ASPM: variants seen among roughly 807,000 people sequenced by gnomAD.
ASPM encodes abnormal spindle-like microcephaly-associated protein.
ASPM carries 256 observed loss-of-function variants against 366.4 expected under a neutral mutation model. The observed-to-expected ratio is 0.70, with a 90% CI of 0.63 to 0.77. The LOEUF is 0.77. Ranked by LOEUF, ASPM falls within the 30% of genes least tolerant of loss-of-function variation. ASPM has a pLI of 0.00. For missense variants in ASPM, 4,146 were observed against 4,090.4 expected, an observed-to-expected ratio of 1.01 and a Z score of -0.37; for synonymous variants, 1,414 against 1,342.9, an observed-to-expected ratio of 1.05 and a Z score of -1.16.
rs1485537545 is a variant in ASPM, at chr1:197,100,959, T to C, written c.8292A>G (p.Glu2764=). Residue 2764 remains glutamate, a synonymous_variant, in exon 18 of 28, where the codon GAA becomes GAG. Coordinates refer to ENST00000367409, the MANE Select transcript of ASPM (RefSeq NM_018136.5). ...ATTGGTTAACAATGGCTGCCATCTT[T>C]TCCTCTGATACATTTTTCAATTTTT... The part of the protein sequence containing the change: ...VRQKLKNVSE[E]KMAAIVNQSA... 4.3e-6 allele frequency: 7 copies of C among 1,612,536 alleles called. No homozygotes were observed. In the South Asian group the frequency reaches 7.7e-5, roughly 18 times the overall value.
At chr1:197,119,896 G>T (rs1194521190) in intron 16 of ASPM, among the ~76,000 whole-genome samples, 3 of 152,020 alleles carry the variant, frequency 2.0e-5, no homozygotes, top group Admixed American at 6.6e-5. Context: ...TAACATAAAA[G>T]CAAAATATAA....
Position 197,086,872 on chromosome 1 carries a change from T to A in ASPM, c.10262A>T (p.Gln3421Leu). The change falls in exon 27 of 28, where the codon CAA (glutamine) becomes CTA (leucine). Residue 3421 changes from glutamine to leucine, a missense_variant. Gln to Leu is a moderately radical substitution (Grantham distance 113, BLOSUM62 -2). Coordinates refer to ENST00000367409, the MANE Select transcript of ASPM (RefSeq NM_018136.5). ...AATGCTTATAGAAGAATTCTTCTTTTGCTTGTAAAGTATTCTTTCAGTATT... is the reference window on the plus strand; with the variant it reads ...AATGCTTATAGAAGAATTCTTCTTTAGCTTGTAAAGTATTCTTTCAGTATT... ...KMNTERILYKQKKNSSISIPF... is the reference protein window; with the variant it reads ...KMNTERILYKLKKNSSISIPF... 6.2e-7 allele frequency: 1 copy of A among 1,611,800 alleles called. No individual in the cohort carries two copies. Among genetic ancestry groups the A allele is most frequent in the East Asian group, 2.2e-5 (1 of 44,728 alleles).
Position 197,143,156 on chromosome 1 carries a change from A to C in ASPM, c.1096T>G (p.Leu366Val). 6.2e-7 allele frequency: 1 copy of C among 1,613,548 alleles called. No homozygotes were observed. Among genetic ancestry groups the C allele is most frequent in the Non-Finnish European group, 8.5e-7 (1 of 1,179,608 alleles). Residue 366 changes from leucine to valine, a missense_variant, in exon 3 of 28, where the codon TTA (leucine) becomes GTA (valine). Transcript: ENST00000367409. ...TCTTTTATGAAAGAATCTGGACTTA[A>C]AATTTTCTGATAAATTTCATGTGCA... ...TIAHEIYQKI[L>V]SPDSFIKDNY...
intron 17 of ASPM, 37 bp downstream of exon 17, chr1:197,117,752 A>G (rs775298466): frequency 1.3e-6 from 2 of 1,558,900 alleles, no homozygotes; most frequent in Admixed American, 3.8e-5. Context: ...AGTCATTAAA[A>G]TTTTTTAAAT....
At position 197,104,717 on chromosome 1, in the gene ASPM, C is replaced by A; in HGVS notation, c.4534G>T (p.Glu1512Ter). Residue 1512 changes from glutamate (E) to a stop codon, truncating the protein, a stop_gained, in exon 18 of 28, where the codon GAG becomes TAG. Coordinates refer to ENST00000367409, the MANE Select transcript of ASPM (RefSeq NM_018136.5). LOFTEE classifies it high-confidence loss of function. ...QAQKLYKRRKESILTIQKYYK... is the reference protein window; with the variant it reads ...QAQKLYKRRK ...TACTTCTGGATGGTTAGTATGGACT[C>A]TTTTCTTCTTTTATATAACTTTTGG... The A allele has an allele frequency of 6.2e-7, 1 of 1,610,122 alleles. No homozygotes were observed. The highest frequency in any genetic ancestry group is 8.5e-7 in the Non-Finnish European group (1 of 1,178,560).
intron 16 of ASPM, among the ~76,000 whole-genome samples, chr1:197,121,346 T>C (rs1657901177): frequency 6.6e-6 from 1 of 152,090 alleles, no homozygotes; most frequent in African/African-American, 2.4e-5. Flanking sequence ...ATAAATAACA[T>C]CTCTATTCTC....
chr1:197,133,626 G>T, intron 5 of ASPM, 31 bp from the exon 6 acceptor site: 1 of 1,602,856 alleles, frequency 6.2e-7, no homozygotes, highest in Non-Finnish European at 8.5e-7. Context: ...GAATGTTTCT[G>T]GTTAAACAAT....
intron 17 of ASPM, among the ~76,000 whole-genome samples, chr1:197,114,027 G>C (rs370701411): frequency 2.8e-5 from 1 of 35,808 alleles, no homozygotes; most frequent in African/African-American, 4.2e-5. Flanking sequence ...AAAACTCTTG[G>C]ATAGTTGAAA....
At position 197,104,103 on chromosome 1, in the gene ASPM, T is replaced by C. The variant is rs1557947641; in HGVS notation, c.5148A>G (p.Lys1716=). Residue 1716 remains lysine, a synonymous_variant, in exon 18 of 28, where the codon AAA becomes AAG. Coordinates refer to ENST00000367409, the MANE Select transcript of ASPM (RefSeq NM_018136.5). ...ACTCTTCTCTCTTTTGTGCAGCTAT[T>C]TTTTTGGAACGGTAACATTGCTGGA... ...LFIQQCYRSK[K]IAAQKREEYM... The C allele has an allele frequency of 6.2e-7, 1 of 1,613,044 alleles. No homozygotes were observed. The highest frequency in any genetic ancestry group is 8.5e-7 in the Non-Finnish European group (1 of 1,179,446).
chr1:197,105,064 G>A lies in ASPM; in HGVS notation c.4187C>T (p.Ala1396Val). 6.2e-7 allele frequency: 1 copy of A among 1,609,836 alleles called. No homozygotes were observed. The highest frequency in any genetic ancestry group is 8.5e-7 in the Non-Finnish European group (1 of 1,177,386). The change falls in exon 18 of 28, where the codon GCT becomes GTT. Residue 1396 changes from alanine to valine, a missense_variant. Coordinates refer to ENST00000367409, the MANE Select transcript of ASPM (RefSeq NM_018136.5). Reference sequence around the variant, plus strand: ...CCAATGCCTCTGAATTGTAACTGTAGCCCAAAGATATCGTTTATAAGATGT... The same window carrying A: ...CCAATGCCTCTGAATTGTAACTGTAACCCAAAGATATCGTTTATAAGATGT... ...AVTSYKRYLW[A>V]TVTIQRHWRA...
chr1:197,090,348 C>T lies in ASPM; in HGVS notation c.9677G>A (p.Cys3226Tyr). 6.2e-7 allele frequency: 1 copy of T among 1,611,988 alleles called. No homozygotes were observed. The highest frequency in any genetic ancestry group is 8.5e-7 in the Non-Finnish European group (1 of 1,178,832). Residue 3226 changes from cysteine to tyrosine, a missense_variant, in exon 24 of 28, where the codon TGT becomes TAT. By Grantham distance (194) the Cys-to-Tyr change is radical (BLOSUM62 -2). This residue lies in a region of ASPM where 3,624 missense variants were observed against 3,591.7 expected (regional missense o/e 1.01). Coordinates refer to ENST00000367409, the MANE Select transcript of ASPM (RefSeq NM_018136.5). Reference sequence around the variant, plus strand: ...TAGTCGTATAGCTTTAATTTTTGTACAATCATTTTTCTTCCTCCAAGAATA... The same window carrying T: ...TAGTCGTATAGCTTTAATTTTTGTATAATCATTTTTCTTCCTCCAAGAATA... Reference protein sequence around the residue: ...RGYSWRKKNDCTKIKAIRLSL... With the variant: ...RGYSWRKKNDYTKIKAIRLSL...
At position 197,100,499 on chromosome 1, in the gene ASPM, C is replaced by A. The variant is rs1022531032; in HGVS notation, c.8752G>T (p.Ala2918Ser). 1 of 1,608,666 alleles carries A rather than the reference C, an allele frequency of 6.2e-7. No homozygotes were observed. Among genetic ancestry groups the A allele is most frequent in the South Asian group, 1.1e-5 (1 of 90,462 alleles). ...TTCTGTATAAATCCTTTACTTCTAG[C>A]TTGAATAATGATAACACTGCTTCTG... ...QIRSSVIIIQ[A>S]RSKGFIQKRK... is the part of the protein sequence containing the mutation. Residue 2918 changes from alanine to serine, a missense_variant, in exon 18 of 28, where the codon GCT (alanine) becomes TCT (serine). Around this residue, in one of 3 missense-constraint regions of ASPM, gnomAD observed 3,624 missense variants for 3,591.7 expected, o/e 1.01. Transcript: ENST00000367409.
rs140804412 is a variant in ASPM, at chr1:197,142,563, T to C, written c.1689A>G (p.Thr563=). 2.0e-4 allele frequency: 329 copies of C among 1,613,834 alleles called. No homozygotes were observed. Among genetic ancestry groups the C allele is most frequent in the Non-Finnish European group, 2.7e-4 (318 of 1,179,846 alleles). The change falls in exon 3 of 28, where the codon ACA becomes ACG. Residue 563 remains threonine, a synonymous_variant. Coordinates refer to ENST00000367409, the MANE Select transcript of ASPM (RefSeq NM_018136.5). ...SKSKSYKNEV[T]PSSTTASVAR... ...CAACTGAAGCTGTTGTCGAAGAGGG[T>C]GTTACCTCGTTTTTATAACTCTTAG...
At position 197,090,048 on chromosome 1, in the gene ASPM, T is replaced by C. The variant is rs1051596842; in HGVS notation, c.9866A>G (p.Asn3289Ser). 5 of 1,613,432 alleles carry C rather than the reference T, an allele frequency of 3.1e-6. No homozygotes were observed. The highest frequency in any genetic ancestry group is 3.3e-4 in the Middle Eastern group (2 of 6,078). Reference sequence around the variant, plus strand: ...AGAAATTGCTCCACTCTGGGCCATGTTCTCACAACAAAGTGGAGACAATCT... The same window carrying C: ...AGAAATTGCTCCACTCTGGGCCATGCTCTCACAACAAAGTGGAGACAATCT... ...VTRLSPLCCENMAQSGAISKI... is the reference protein window; with the variant it reads ...VTRLSPLCCESMAQSGAISKI... The change falls in exon 25 of 28, where the codon AAC (asparagine) becomes AGC (serine). Residue 3289 changes from asparagine to serine, a missense_variant. Physicochemically the swap from Asn to Ser is conservative, Grantham distance 46 (BLOSUM62 1). This residue lies in a region of ASPM where 3,624 missense variants were observed against 3,591.7 expected (regional missense o/e 1.01). Coordinates refer to ENST00000367409, the MANE Select transcript of ASPM (RefSeq NM_018136.5).
chr1:197,093,396 T>G, intron 20 of ASPM, 135 bp from the exon 21 acceptor site: 1 of 805,018 alleles, frequency 1.2e-6, no homozygotes, highest in East Asian at 2.5e-5. Context: ...TTCATAGATA[T>G]GAAATGATGA....
intron 17 of ASPM, among the ~76,000 whole-genome samples, chr1:197,115,243 C>G (rs1238467127): frequency 6.6e-6 from 1 of 152,182 alleles, no homozygotes; most frequent in East Asian, 1.9e-4. Context: ...ACCTCCTCAT[C>G]TGTTCAGCTT....
chr1:197,104,244 A>G lies in ASPM; in HGVS notation c.5007T>C (p.Tyr1669=). 1 of 1,612,854 alleles carries G rather than the reference A, an allele frequency of 6.2e-7. No homozygotes were observed. Among genetic ancestry groups the G allele is most frequent in the Non-Finnish European group, 8.5e-7 (1 of 1,179,380 alleles). Residue 1669 remains tyrosine, a synonymous_variant, in exon 18 of 28, where the codon TAT becomes TAC. Coordinates refer to ENST00000367409, the MANE Select transcript of ASPM (RefSeq NM_018136.5). ...VIKIQSYYRA[Y]VSKKEFLSLK... ...GGCTCAAAAATTCCTTTTTAGAAACATAAGCACGATAATATGATTGAATCT... is the reference window on the plus strand; with the variant it reads ...GGCTCAAAAATTCCTTTTTAGAAACGTAAGCACGATAATATGATTGAATCT...
At chr1:197,105,232 T>A in intron 17 of ASPM, 47 bp from the exon 18 acceptor site, 1 of 1,408,532 alleles carries the variant, frequency 7.1e-7, no homozygotes. Context: ...CATAGCTTTC[T>A]ATATTTAACA....
At position 197,090,007 on chromosome 1, in the gene ASPM, T is replaced by A. The variant is rs1299718121; in HGVS notation, c.9907A>T (p.Ile3303Phe). ...SGAISKIFVLIRSCNRSIPCM... is the reference protein window; with the variant it reads ...SGAISKIFVLFRSCNRSIPCM... ...GGAATACTGCGATTACAACTTCGGATCAAAACAAATATTTTAGAAATTGCT... is the reference window on the plus strand; with the variant it reads ...GGAATACTGCGATTACAACTTCGGAACAAAACAAATATTTTAGAAATTGCT... Residue 3303 changes from isoleucine (I) to phenylalanine (F), a missense_variant, in exon 25 of 28, where the codon ATC becomes TTC. Ile to Phe is a conservative substitution (Grantham distance 21, BLOSUM62 0). Coordinates refer to ENST00000367409, the MANE Select transcript of ASPM (RefSeq NM_018136.5). The A allele has an allele frequency of 6.2e-7, 1 of 1,613,154 alleles. No individual in the cohort carries two copies. Among genetic ancestry groups the A allele is most frequent in the Non-Finnish European group, 8.5e-7 (1 of 1,179,534 alleles).
Sources: gnomAD v4.1 joint callset for allele counts (sites outside exome capture counted in the v4.1 genomes callset) on GRCh38, gnomAD v4.1.1 for gene constraint, gnomAD v4.1.1 regional missense constraint, MANE v1.5 for transcripts, NCBI Gene and HGNC (gene_info 2026-07-23, HGNC 2026-07-21) for gene names.